The following CHSY3 variants were observed in gnomAD, a reference collection of about 807,000 sequenced individuals.
The protein encoded by CHSY3 is chondroitin sulfate synthase 3, also known as N-acetylgalactosaminyl-proteoglycan 3-beta-glucuronosyltransferase 3.
In CHSY3, 35 loss-of-function variants were observed where a neutral mutation model predicts 67.2. The ratio of observed to expected loss-of-function variants is 0.52; its 90% CI spans 0.40 to 0.69. CHSY3 has a LOEUF of 0.69. Among genes scored for constraint, CHSY3 ranks in the 30% least tolerant of loss-of-function variants. The pLI is 0.00. For missense variants in CHSY3, 1,069 were observed against 1,138.5 expected (o/e 0.94, Z 0.88); for synonymous variants, 474 against 434.7 (o/e 1.09, Z -1.12).
chr5:130,050,596 A>C (rs1765312169), intron 2 of CHSY3, among the ~76,000 whole-genome samples: 1 of 152,146 alleles, frequency 6.6e-6, no homozygotes, highest in Non-Finnish European at 1.5e-5. Context: ...TTTAGGAAGA[A>C]AACCTATGTT....
At chr5:130,090,206 G>A (rs1250849156) in intron 2 of CHSY3, among the ~76,000 whole-genome samples, 8 of 152,174 alleles carry the variant, frequency 5.3e-5, no homozygotes, top group African/African-American at 1.9e-4. Context: ...CTCCATTGGA[G>A]AGTTACAAGA....
intron 2 of CHSY3, among the ~76,000 whole-genome samples, chr5:130,163,682 T>G (rs1342831726): frequency 6.6e-6 from 1 of 152,224 alleles, no homozygotes; most frequent in African/African-American, 2.4e-5. Context: ...AAAATTGTTA[T>G]TACCTTTGCC....
intron 2 of CHSY3, among the ~76,000 whole-genome samples, chr5:130,018,836 T>C (rs1764284274): frequency 6.6e-6 from 1 of 152,166 alleles, no homozygotes; most frequent in Non-Finnish European, 1.5e-5. Flanking sequence ...TCTAGGTCAG[T>C]GAGTTCTCAC....
At chr5:130,090,920 T>C (rs1045618933) in intron 2 of CHSY3, among the ~76,000 whole-genome samples, 6 of 152,178 alleles carry the variant, frequency 3.9e-5, no homozygotes, top group Admixed American at 1.3e-4. Context: ...AAGAATATGC[T>C]ATTTAAAGCA....
At chr5:130,159,132 T>G (rs1475038625) in intron 2 of CHSY3, among the ~76,000 whole-genome samples, 1 of 151,632 alleles carries the variant, frequency 6.6e-6, no homozygotes, top group Non-Finnish European at 1.5e-5. Context: ...ATTAAAACAT[T>G]TATTTCTTAA....
chr5:130,178,255 T>TATATATATATA (rs1580803415), intron 2 of CHSY3, among the ~76,000 whole-genome samples: 3 of 36,196 alleles, frequency 8.3e-5, no homozygotes, highest in Admixed American at 2.8e-4. Flanking sequence ...ATATATATAT[T>TATATATATATA]TTTTTTTTTT....
intron 2 of CHSY3, among the ~76,000 whole-genome samples, chr5:130,083,331 G>A (rs1407929522): frequency 2.0e-5 from 3 of 152,000 alleles, no homozygotes; most frequent in African/African-American, 7.2e-5. Flanking sequence ...AGCAAGTACT[G>A]AGCTGGCAAA....
chr5:130,128,229 G>GT (rs1554084699), intron 2 of CHSY3, among the ~76,000 whole-genome samples: 1 of 147,368 alleles, frequency 6.8e-6, no homozygotes, highest in African/African-American at 2.5e-5. Flanking sequence ...AAGAAAATGT[G>GT]GTGTGTGTGT....
At chr5:130,178,253 A>ATATATATATTTTT (rs1205782386) in intron 2 of CHSY3, among the ~76,000 whole-genome samples, 3 of 45,910 alleles carry the variant, frequency 6.5e-5, no homozygotes, top group African/African-American at 3.0e-4. Flanking sequence ...ATATATATAT[A>ATATATATATTTTT]TTTTTTTTTT....
chr5:130,170,995 G>A (rs770764217), intron 2 of CHSY3, among the ~76,000 whole-genome samples: 1 of 152,090 alleles, frequency 6.6e-6, no homozygotes, highest in Non-Finnish European at 1.5e-5. Flanking sequence ...GAAGGGAGTC[G>A]TTATGTTGGT....
At chr5:129,928,450 T>G (rs1761188522) in intron 2 of CHSY3, among the ~76,000 whole-genome samples, 1 of 152,048 alleles carries the variant, frequency 6.6e-6, no homozygotes, top group African/African-American at 2.4e-5. Context: ...TTTTGGATGC[T>G]ATATTTACAG....
intron 2 of CHSY3, among the ~76,000 whole-genome samples, chr5:129,930,479 C>A (rs1761263716): frequency 7.0e-6 from 1 of 142,356 alleles, no homozygotes; most frequent in African/African-American, 2.7e-5. Flanking sequence ...AGATAAGCAC[C>A]ATAGATGTTT....
chr5:129,961,502 T>G (rs1039614057), intron 2 of CHSY3, among the ~76,000 whole-genome samples: 5 of 152,028 alleles, frequency 3.3e-5, no homozygotes, highest in East Asian at 3.9e-4. Flanking sequence ...CTGAGCATAC[T>G]GTACACAGTA....
intron 2 of CHSY3, among the ~76,000 whole-genome samples, chr5:130,133,787 A>G (rs1361927136): frequency 7.2e-5 from 9 of 124,304 alleles, no homozygotes; most frequent in Non-Finnish European, 1.0e-4. Context: ...AAAAAAAAAA[A>G]AAAAAAAAGA....
intron 2 of CHSY3, among the ~76,000 whole-genome samples, chr5:129,968,329 T>A (rs1762524770): frequency 6.6e-6 from 1 of 151,902 alleles, no homozygotes; most frequent in African/African-American, 2.4e-5. Flanking sequence ...TATTTTCAAG[T>A]TGTCTCTTTT....
At chr5:130,176,809 G>A (rs1770068153) in intron 2 of CHSY3, among the ~76,000 whole-genome samples, 1 of 152,110 alleles carries the variant, frequency 6.6e-6, no homozygotes, top group African/African-American at 2.4e-5. Context: ...CATGGACACA[G>A]GGAGGGGAAC....
intron 2 of CHSY3, among the ~76,000 whole-genome samples, chr5:130,059,434 C>A (rs1164785430): frequency 1.3e-5 from 2 of 151,404 alleles, no homozygotes; most frequent in Non-Finnish European, 2.9e-5. Context: ...TTTCTTCCCC[C>A]TCTCCTTCCC....
intron 2 of CHSY3, among the ~76,000 whole-genome samples, chr5:130,013,129 C>T (rs1179611756): frequency 6.6e-6 from 1 of 152,208 alleles, no homozygotes; most frequent in East Asian, 1.9e-4. Context: ...TTTCCTTTAA[C>T]TCCATGTCTC....
intron 2 of CHSY3, among the ~76,000 whole-genome samples, chr5:130,088,515 C>A (rs1458305236): frequency 6.6e-6 from 1 of 151,840 alleles, no homozygotes; most frequent in Non-Finnish European, 1.5e-5. Context: ...CAATGAACTC[C>A]AACAGATTTA....
Sources: gnomAD v4.1 joint callset for allele counts (sites outside exome capture counted in the v4.1 genomes callset) on GRCh38, gnomAD v4.1.1 for gene constraint, MANE v1.5 for transcripts, NCBI Gene and HGNC (gene_info 2026-07-23, HGNC 2026-07-21) for gene names.